GALNT7: variants seen among roughly 807,000 people sequenced by gnomAD.
The protein encoded by GALNT7 is polypeptide N-acetylgalactosaminyltransferase 7, also known as N-acetylgalactosaminyltransferase 7.
GALNT7 carries 60 observed loss-of-function variants against 82.1 expected under a neutral mutation model. That is an observed-to-expected ratio of 0.73 (90% CI 0.59 to 0.91). The LOEUF (loss-of-function observed/expected upper bound fraction) is 0.91. Ranked by LOEUF, GALNT7 falls within the 40% of genes least tolerant of loss-of-function variation. The pLI is 0.00. For missense variants in GALNT7, 660 were observed against 804.2 expected (o/e 0.82, Z 2.17); for synonymous variants, 243 against 275.1 (o/e 0.88, Z 1.15).
At chr4:173,243,952 A>G (rs1437430153) in intron 1 of GALNT7, among the ~76,000 whole-genome samples, 1 of 152,150 alleles carries the variant, frequency 6.6e-6, no homozygotes, top group Non-Finnish European at 1.5e-5. Context: ...TTATTCAGTG[A>G]GTATTTATTG....
intron 1 of GALNT7, among the ~76,000 whole-genome samples, chr4:173,216,727 A>ATATATTT (rs71244915): frequency 0.013 from 166 of 12,988 alleles, 14 homozygotes; most frequent in East Asian, 0.045. Context: ...ATATATATAT[A>ATATATTT]TTTTTTTTTT....
intron 2 of GALNT7, among the ~76,000 whole-genome samples, chr4:173,256,172 C>T (rs576004668): frequency 6.6e-5 from 10 of 152,158 alleles, no homozygotes; most frequent in Admixed American, 3.3e-4. Flanking sequence ...GGGAGTTTAC[C>T]GGCTTTAAGA....
intron 3 of GALNT7, among the ~76,000 whole-genome samples, chr4:173,294,633 G>C (rs575569049): frequency 6.6e-6 from 1 of 152,052 alleles, no homozygotes; most frequent in Non-Finnish European, 1.5e-5. Context: ...CATTCTGACC[G>C]TGGTGAGCTA....
At chr4:173,222,712 A>G (rs1389657540) in intron 1 of GALNT7, among the ~76,000 whole-genome samples, 5 of 152,270 alleles carry the variant, frequency 3.3e-5, no homozygotes, top group East Asian at 3.9e-4. Context: ...CATTTTATCA[A>G]TGAGTTAATT....
At chr4:173,259,788 C>T (rs899882532) in intron 2 of GALNT7, among the ~76,000 whole-genome samples, 2 of 152,260 alleles carry the variant, frequency 1.3e-5, no homozygotes, top group East Asian at 3.9e-4. Flanking sequence ...CAGGTGCCCG[C>T]CACCACGCCC....
In GALNT7 at chr4:173,215,425, T is replaced by C. The variant is rs575729990; in HGVS notation, c.127-32555T>C. Among the ~76,000 whole-genome samples the C allele has an allele frequency of 2.0e-3, 306 of 151,878 alleles. 1 individual carries two copies. Among genetic ancestry groups the C allele is most frequent in the African/African-American group, 7.1e-3 (293 of 41,402 alleles). ...TTTGTATTTTTAGTAGAGACGGGGG[T>C]TCACCATGTTGCCCAGGCTGGTCTT... On this transcript the variant is annotated intron_variant, in intron 1 of 11. Transcript: ENST00000265000.
intron 1 of GALNT7, among the ~76,000 whole-genome samples, chr4:173,203,704 TAAC>T (rs1482322061): frequency 6.6e-6 from 1 of 152,242 alleles, no homozygotes; most frequent in African/African-American, 2.4e-5. Flanking sequence ...TTTAAGTTGA[TAAC>T]AACTCAGATT....
At chr4:173,202,771 C>A (rs556232056) in intron 1 of GALNT7, among the ~76,000 whole-genome samples, 1 of 152,146 alleles carries the variant, frequency 6.6e-6, no homozygotes, top group African/African-American at 2.4e-5. Context: ...GAGATACATA[C>A]TATCATTGTC....
intron 2 of GALNT7, among the ~76,000 whole-genome samples, chr4:173,276,405 A>G (rs565159306): frequency 2.0e-5 from 3 of 152,346 alleles, no homozygotes; most frequent in Non-Finnish European, 4.4e-5. Context: ...TAACTAGGTT[A>G]TCTTAGAGTC....
chr4:173,259,593 C>T (rs1198084111), intron 2 of GALNT7, among the ~76,000 whole-genome samples: 2 of 152,108 alleles, frequency 1.3e-5, no homozygotes, highest in Admixed American at 6.5e-5. Flanking sequence ...TCATTCTCCT[C>T]TTGAATTATC....
chr4:173,178,307 G>A (rs1423103227), intron 1 of GALNT7, among the ~76,000 whole-genome samples: 2 of 151,928 alleles, frequency 1.3e-5, no homozygotes, highest in African/African-American at 4.8e-5. Flanking sequence ...AAAAACAATA[G>A]CAAAACTATG....
chr4:173,293,977 TGG>T (rs1321181610), intron 3 of GALNT7, among the ~76,000 whole-genome samples: 1 of 152,158 alleles, frequency 6.6e-6, no homozygotes, highest in Non-Finnish European at 1.5e-5. Context: ...CTGCAGTCAG[TGG>T]GTTAGGGAGG....
At chr4:173,314,198 T>G in intron 9 of GALNT7, 22 bp downstream of exon 9, 2 of 1,402,100 alleles carry the variant, frequency 1.4e-6, no homozygotes, top group Non-Finnish European at 2.0e-6. Context: ...CATCTCAAAA[T>G]GTATGTGTTT....
chr4:173,307,758 C>G (rs1167078105), intron 8 of GALNT7, among the ~76,000 whole-genome samples: 1 of 152,162 alleles, frequency 6.6e-6, no homozygotes, highest in African/African-American at 2.4e-5. Flanking sequence ...AGTGCAGCCA[C>G]AGAGCCTGGG....
chr4:173,185,264 T>C (rs7661977), intron 1 of GALNT7, among the ~76,000 whole-genome samples: 23,697 of 152,196 alleles, frequency 0.16, 1,920 homozygotes, highest in Non-Finnish European at 0.18. Context: ...CTGAATTCTC[T>C]TCACCACTCC....
At chr4:173,174,522 A>G (rs1343201296) in intron 1 of GALNT7, among the ~76,000 whole-genome samples, 1 of 152,224 alleles carries the variant, frequency 6.6e-6, no homozygotes, top group Non-Finnish European at 1.5e-5. Context: ...ATTCCTAAGA[A>G]TTGTTGTATT....
chr4:173,179,378 C>T (rs1215352572), intron 1 of GALNT7, among the ~76,000 whole-genome samples: 2 of 152,158 alleles, frequency 1.3e-5, no homozygotes, highest in Admixed American at 6.5e-5. Context: ...TGTGGTGGCT[C>T]ATGCTTATAA....
intron 2 of GALNT7, among the ~76,000 whole-genome samples, chr4:173,250,705 C>T (rs1579955146): frequency 6.6e-6 from 1 of 152,302 alleles, no homozygotes; most frequent in East Asian, 1.9e-4. Context: ...TGTGCCTTCC[C>T]ATTGCACTTA....
intron 2 of GALNT7, among the ~76,000 whole-genome samples, chr4:173,267,985 T>C (rs1228145722): frequency 6.6e-6 from 1 of 152,062 alleles, no homozygotes; most frequent in African/African-American, 2.4e-5. Flanking sequence ...TAAAATATGG[T>C]ACCCTCTTCA....
Sources: gnomAD v4.1 joint callset for allele counts (sites outside exome capture counted in the v4.1 genomes callset) on GRCh38, gnomAD v4.1.1 for gene constraint, MANE v1.5 for transcripts, NCBI Gene and HGNC (gene_info 2026-07-23, HGNC 2026-07-21) for gene names.